TRPV5: variants seen among roughly 807,000 people sequenced by gnomAD.
TRPV5 encodes the protein transient receptor potential cation channel subfamily V member 5.
A neutral mutation model predicts 74.1 loss-of-function variants in TRPV5; 66 were observed. That is an observed-to-expected ratio of 0.89 (90% CI 0.73 to 1.09). The LOEUF (loss-of-function observed/expected upper bound fraction) is 1.09. TRPV5 is among the 50% of genes least tolerant of loss of function. The pLI is 0.00. For synonymous variants in TRPV5, 399 were observed against 360.7 expected (o/e 1.11, Z -1.20); for missense variants, 936 against 930.4 (o/e 1.01, Z -0.08).
At chr7:142,924,279 T>TATACATGTATATATATACATATATATAC (rs1491241913) in intron 8 of TRPV5, among the ~76,000 whole-genome samples, 1 of 100,166 alleles carries the variant, frequency 1.0e-5, no homozygotes, top group African/African-American at 5.7e-5. Flanking sequence ...TATATATATA[T>TATACATGTATATATATACATATATATAC]ACATATACAT....
Position 142,915,329 on chromosome 7 carries a change from C to A in TRPV5, c.1264G>T (p.Gly422Trp). 1 of 1,608,516 alleles carries A rather than the reference C, an allele frequency of 6.2e-7. No homozygotes were observed. Among genetic ancestry groups the A allele is most frequent in the Non-Finnish European group, 8.5e-7 (1 of 1,178,676 alleles). ...ASRYFGKTIL[G>W]GPFHVIIITY... Reference sequence around the variant, plus strand: ...CACATGATGACATGGAATGGCCCCCCAAGAATCGTCTTTCCAAAATAGCGA... The same window carrying A: ...CACATGATGACATGGAATGGCCCCCAAAGAATCGTCTTTCCAAAATAGCGA... The change falls in exon 10 of 15, where the codon GGG (glycine) becomes TGG (tryptophan). Residue 422 changes from glycine (G) to tryptophan (W), a missense_variant. By Grantham distance (184) the Gly-to-Trp change is radical (BLOSUM62 -2). Coordinates refer to ENST00000265310, the MANE Select transcript of TRPV5 (RefSeq NM_019841.7).
chr7:142,928,998 TCCCCTCC>T lies in TRPV5; in HGVS notation c.586+17_586+23del, dbSNP rs1374565134. 7 of 1,613,370 alleles carry T rather than the reference TCCCCTCC, an allele frequency of 4.3e-6. No individual in the cohort carries two copies. The Admixed American group carries it at 1.2e-4, about 27-fold the overall frequency. On this transcript the variant is annotated intron_variant, in intron 5 of 14. Coordinates refer to ENST00000265310, the MANE Select transcript of TRPV5 (RefSeq NM_019841.7). The stretch of plus-strand genomic sequence containing the variant: ...CCCTCGCTCCCCACAGCATCCCAGC[TCCCCTCC>T]CCATCCCAGCTCTTACCCAGGGAGT...
chr7:142,909,376 C>T, intron 14 of TRPV5, 114 bp downstream of exon 14: 3 of 1,116,064 alleles, frequency 2.7e-6, no homozygotes, highest in Non-Finnish European at 3.9e-6. Context: ...TCCACTTCAG[C>T]TCCAGCCCCC....
chr7:142,918,772 G>A (rs1160017585), intron 8 of TRPV5, among the ~76,000 whole-genome samples: 1 of 152,186 alleles, frequency 6.6e-6, no homozygotes, highest in Non-Finnish European at 1.5e-5. Flanking sequence ...GAGAAAGAGG[G>A]GCTGTCCAGG....
intron 8 of TRPV5, among the ~76,000 whole-genome samples, chr7:142,920,574 G>A (rs1241958054): frequency 6.6e-6 from 1 of 152,154 alleles, no homozygotes; most frequent in African/African-American, 2.4e-5. Context: ...ACTCTGGAGG[G>A]AGAAATGGCC....
intron 8 of TRPV5, 97 bp downstream of exon 8, chr7:142,925,432 C>G (rs1301267254): frequency 7.5e-7 from 1 of 1,337,000 alleles, no homozygotes; most frequent in Non-Finnish European, 1.1e-6. Flanking sequence ...CCTGCTGGAA[C>G]CCAGAGCGTG....
intron 8 of TRPV5, among the ~76,000 whole-genome samples, chr7:142,916,470 A>G (rs1028342005): frequency 6.0e-5 from 9 of 149,738 alleles, no homozygotes; most frequent in Non-Finnish European, 8.8e-5. Flanking sequence ...AAAACTGTAT[A>G]TCTTCTTTCT....
chr7:142,917,485 G>A (rs1244411592), intron 8 of TRPV5, among the ~76,000 whole-genome samples: 1 of 152,180 alleles, frequency 6.6e-6, no homozygotes. Flanking sequence ...AGATCAGGGT[G>A]CCCCTAGAAT....
At chr7:142,932,325 G>A (rs1466365296) in intron 1 of TRPV5, among the ~76,000 whole-genome samples, 1 of 152,196 alleles carries the variant, frequency 6.6e-6, no homozygotes, top group Non-Finnish European at 1.5e-5. Context: ...CCACTCTAAA[G>A]CAGGAAGGTG....
rs751396567 is a variant in TRPV5 at position 142,912,129 on chromosome 7, T to C, written c.1788+353A>G. On this transcript the variant is annotated intron_variant, in intron 13 of 14. Transcript: ENST00000265310. The stretch of plus-strand genomic sequence containing the variant: ...AGTCTATGGTGATATAAAGAAAAGA[T>C]CATAGAGAAACAGGGATTTACAGAA... Among the ~76,000 whole-genome samples the C allele has an allele frequency of 1.6e-4, 24 of 152,132 alleles. 1 individual carries two copies. Among genetic ancestry groups the C allele is most frequent in the Admixed American group, 5.9e-4 (9 of 15,280 alleles).
chr7:142,925,485 C>A (rs748671755), intron 8 of TRPV5, 44 bp downstream of exon 8: 20 of 1,604,110 alleles, frequency 1.2e-5, no homozygotes, highest in Middle Eastern at 1.7e-4. Flanking sequence ...AGCACCATCA[C>A]CCCTTGATGC....
rs372681950 is a variant in TRPV5 at position 142,912,461 on chromosome 7, G to T, written c.1788+21C>A. The stretch of plus-strand genomic sequence containing the variant: ...CTCTCCAACCCCTGCTTCTTAGCAA[G>T]ACTAACACAAATAAACTCACCTGGG... On this transcript the variant is annotated intron_variant, in intron 13 of 14. Coordinates refer to ENST00000265310, the MANE Select transcript of TRPV5 (RefSeq NM_019841.7). 2.1e-5 allele frequency: 34 copies of T among 1,603,550 alleles called. No homozygotes were observed. The South Asian group carries it at 2.3e-4, about 11-fold the overall frequency.
intron 8 of TRPV5, among the ~76,000 whole-genome samples, chr7:142,923,983 C>T (rs2116595018): frequency 6.6e-6 from 1 of 152,050 alleles, no homozygotes; most frequent in African/African-American, 2.4e-5. Context: ...TGGAAAAGTC[C>T]AGTCATCCCC....
chr7:142,911,563 C>A (rs866725933), intron 13 of TRPV5, among the ~76,000 whole-genome samples: 1 of 152,292 alleles, frequency 6.6e-6, no homozygotes. Flanking sequence ...CTCTTAGCAC[C>A]TTACATTCTC....
At position 142,933,350 on chromosome 7, in the gene TRPV5, T is replaced by C. The variant is rs751193535; in HGVS notation, c.110A>G (p.His37Arg). 1 of 1,613,928 alleles carries C rather than the reference T, an allele frequency of 6.2e-7. No homozygotes were observed. The highest frequency in any genetic ancestry group is 8.5e-7 in the Non-Finnish European group (1 of 1,180,012). ...QDWDQHLDKL[H>R]MLQQKRILES... ...AGCCTACCTCTTCTGCTGCAGCATA[T>C]GAAGCTTGTCCAGGTGCTGGTCCCA... The change falls in exon 1 of 15, where the codon CAT becomes CGT. Residue 37 changes from histidine (H) to arginine (R), a missense_variant. Physicochemically the swap from His to Arg is conservative, Grantham distance 29. Transcript: ENST00000265310.
In TRPV5 at chr7:142,908,377, C is replaced by G; in HGVS notation, c.*137G>C. On this transcript the variant is annotated 3_prime_UTR_variant, in exon 15 of 15. Transcript: ENST00000265310. ...TCTGATGTGAAGTGTGAGGCATGACCCTTTAGGGATTGTTCTGTCTCACCC... is the reference window on the plus strand; with the variant it reads ...TCTGATGTGAAGTGTGAGGCATGACGCTTTAGGGATTGTTCTGTCTCACCC... The G allele has an allele frequency of 1.1e-6, 1 of 921,962 alleles. No homozygotes were observed. The allele number at this position is 921,962 out of a possible 1,614,324, so 57.1% of individuals were successfully genotyped here.
rs1364987500 is a variant in TRPV5 at position 142,908,620 on chromosome 7, C to T, written c.2084G>A (p.Ser695Asn). 1 of 1,614,244 alleles carries T rather than the reference C, an allele frequency of 6.2e-7. No homozygotes were observed. Among genetic ancestry groups the T allele is most frequent in the Non-Finnish European group, 8.5e-7 (1 of 1,180,032 alleles). ...TSSLSRTASQ[S>N]SSHRGWEILR... is the part of the protein sequence containing the mutation. ...GATCTCCCAGCCTCGGTGACTGCTG[C>T]TCTGGGACGCGGTCCGGGACAGGGA... is the stretch of plus-strand genomic sequence containing the variant. Residue 695 changes from serine (S) to asparagine (N), a missense_variant, in exon 15 of 15, where the codon AGC becomes AAC. Coordinates refer to ENST00000265310, the MANE Select transcript of TRPV5 (RefSeq NM_019841.7).
intron 8 of TRPV5, among the ~76,000 whole-genome samples, chr7:142,919,821 A>G (rs903798651): frequency 2.1e-4 from 32 of 152,216 alleles, no homozygotes; most frequent in African/African-American, 7.2e-4. Flanking sequence ...CCAGGGATGT[A>G]CTATGTGGAA....
Position 142,928,384 on chromosome 7 carries a change from T to C in TRPV5, c.763-150A>G, listed in dbSNP as rs2116605105. The C allele has an allele frequency of 5.3e-6, 5 of 940,536 alleles. No homozygotes were observed. The East Asian group carries it at 1.2e-4, about 23-fold the overall frequency. The allele number at this position is 940,536 out of a possible 1,614,324, so 58.3% of individuals were successfully genotyped here. A position where few individuals can be genotyped will look rare whatever the true frequency, so the allele number is the denominator to read the frequency against. ...TCTGCATCTACAAGCTTTCCCTTTT[T>C]TGTCATCTTTCCTGCTCCAAAACCC... On this transcript the variant is annotated intron_variant, in intron 6 of 14. Transcript: ENST00000265310.
Sources: gnomAD v4.1 joint callset for allele counts (sites outside exome capture counted in the v4.1 genomes callset) on GRCh38, gnomAD v4.1.1 for gene constraint, MANE v1.5 for transcripts, NCBI Gene and HGNC (gene_info 2026-07-23, HGNC 2026-07-21) for gene names.